Variants in TCF4 observed in about 807,000 individuals in gnomAD.
TCF4 encodes SL3-3 enhancer factor 2.
In TCF4, 3 loss-of-function variants were observed where a neutral mutation model predicts 82.1. That is an observed-to-expected ratio of 0.04 (90% CI 0.02 to 0.09). The LOEUF is 0.09. TCF4 is among the 10% of genes least tolerant of loss of function. TCF4 has a pLI of 1.00. For missense variants in TCF4, 518 were observed against 852.7 expected, an observed-to-expected ratio of 0.61 and a Z score of 4.89; for synonymous variants, 276 against 309.6, an observed-to-expected ratio of 0.89 and a Z score of 1.14.
At chr18:55,385,580 T>C (rs1440243497) in intron 6 of TCF4, among the ~76,000 whole-genome samples, 4 of 152,212 alleles carry the variant, frequency 2.6e-5, no homozygotes, top group South Asian at 2.1e-4. Flanking sequence ...TTTGTATTTT[T>C]AGTAGAGATG....
chr18:55,232,193 A>G, intron 17 of TCF4: 2 of 299,496 alleles, frequency 6.7e-6, no homozygotes, highest in South Asian at 8.2e-5. Flanking sequence ...GAAATATTAT[A>G]GACACAACAT....
chr18:55,619,193 C>A (rs2097715293), intron 2 of TCF4, among the ~76,000 whole-genome samples: 1 of 152,034 alleles, frequency 6.6e-6, no homozygotes, highest in South Asian at 2.1e-4. Flanking sequence ...TTTTAAAGTA[C>A]AAATGCTCTT....
chr18:55,589,309 C>G, upstream of TCF4: 1 of 1,051,610 alleles, frequency 9.5e-7, no homozygotes, highest in Non-Finnish European at 1.1e-6. Context: ...TAAATGGCCA[C>G]AAATATTCTC....
chr18:55,349,276 T>G (rs911209209), intron 8 of TCF4, among the ~76,000 whole-genome samples: 5 of 152,144 alleles, frequency 3.3e-5, no homozygotes, highest in African/African-American at 1.2e-4. Flanking sequence ...GATATATTCA[T>G]TTAATAATTG....
intron 3 of TCF4, among the ~76,000 whole-genome samples, chr18:55,498,588 C>T (rs1016557751): frequency 1.2e-4 from 19 of 152,180 alleles, no homozygotes; most frequent in African/African-American, 4.1e-4. Context: ...AAGATGACTT[C>T]GTGAATCCCC....
intron 6 of TCF4, among the ~76,000 whole-genome samples, chr18:55,394,078 C>T (rs1211042449): frequency 1.3e-5 from 2 of 152,330 alleles, no homozygotes; most frequent in Middle Eastern, 3.4e-3. Context: ...TTGTTCCACA[C>T]ACACATGTTC....
At chr18:55,609,529 C>G (rs1489454037) in intron 2 of TCF4, among the ~76,000 whole-genome samples, 1 of 152,144 alleles carries the variant, frequency 6.6e-6, no homozygotes, top group Admixed American at 6.5e-5. Flanking sequence ...AACGGGTGTG[C>G]TTATGGCTTG....
intron 5 of TCF4, among the ~76,000 whole-genome samples, chr18:55,446,266 G>C (rs1329240107): frequency 6.6e-6 from 1 of 152,162 alleles, no homozygotes; most frequent in African/African-American, 2.4e-5. Context: ...TGGGAAGAAA[G>C]AAACATTGAT....
intron 8 of TCF4, among the ~76,000 whole-genome samples, chr18:55,290,892 T>C (rs1473527809): frequency 6.6e-6 from 1 of 152,160 alleles, no homozygotes; most frequent in Non-Finnish European, 1.5e-5. Context: ...ACAAAATACA[T>C]AGGTACTTCT....
chr18:55,494,070 T>C (rs1031510882), intron 3 of TCF4, among the ~76,000 whole-genome samples: 2 of 151,998 alleles, frequency 1.3e-5, no homozygotes, highest in African/African-American at 4.8e-5. Context: ...TTAAATATTA[T>C]ATTCTTAAAT....
In TCF4 at chr18:55,506,799, T is replaced by C. The variant is rs142679842; in HGVS notation, c.146-42662A>G. 3.5e-3 allele frequency among the ~76,000 whole-genome samples: 533 copies of C among 151,950 alleles called. 1 individual carries two copies. The highest frequency in any genetic ancestry group is 8.3e-3 in the Admixed American group (126 of 15,256). On this transcript the variant is annotated intron_variant, in intron 3 of 19. Transcript: ENST00000354452. ...AGGCACAGTGAGAGACTGACAACAATAACTAAGAGTAACATAGAACAATTA... is the reference window on the plus strand; with the variant it reads ...AGGCACAGTGAGAGACTGACAACAACAACTAAGAGTAACATAGAACAATTA...
intron 5 of TCF4, among the ~76,000 whole-genome samples, chr18:55,404,840 C>G (rs2094005630): frequency 6.6e-6 from 1 of 152,144 alleles, no homozygotes; most frequent in Non-Finnish European, 1.5e-5. Context: ...TCAAAGAAAG[C>G]CAAACCTAAG....
At position 55,322,425 on chromosome 18, in the gene TCF4, GAAAAAAAAAA is replaced by G. The variant is rs967879627; in HGVS notation, c.549+27924_549+27933del. ...GAAAGGGGAGGGAAAGGGGAGGGAAGAAAAAAAAAAAAAAAAAAAAAAAAACACCACGTCT... is the reference window on the plus strand; with the variant it reads ...GAAAGGGGAGGGAAAGGGGAGGGAAGAAAAAAAAAAAAAAACACCACGTCT... On this transcript the variant is annotated intron_variant, in intron 8 of 19. Coordinates refer to ENST00000354452, the MANE Select transcript of TCF4 (RefSeq NM_001083962.2). The G allele has an allele frequency of 3.3e-5, 26 of 776,968 alleles. No homozygotes were observed. In the African/African-American group the frequency reaches 4.4e-4, roughly 13 times the overall value. The allele number at this position is 776,968 out of a possible 1,614,324, so 48.1% of individuals were successfully genotyped here.
intron 15 of TCF4, among the ~76,000 whole-genome samples, chr18:55,247,345 A>G (rs992520622): frequency 6.6e-6 from 1 of 152,234 alleles, no homozygotes; most frequent in Non-Finnish European, 1.5e-5. Context: ...AAACCATTAA[A>G]CAGGAATCAG....
At chr18:55,473,872 T>C (rs538952892) in intron 3 of TCF4, among the ~76,000 whole-genome samples, 2 of 152,310 alleles carry the variant, frequency 1.3e-5, no homozygotes, top group Non-Finnish European at 2.9e-5. Context: ...TAAAGCAATC[T>C]TCTGGGTACT....
At chr18:55,631,125 C>A (rs547050513) in intron 2 of TCF4, among the ~76,000 whole-genome samples, 1 of 151,140 alleles carries the variant, frequency 6.6e-6, no homozygotes, top group Non-Finnish European at 1.5e-5. Flanking sequence ...TCTCGACTCA[C>A]TGCAACCTCT....
chr18:55,624,702 A>C (rs921781013), intron 2 of TCF4, among the ~76,000 whole-genome samples: 1 of 152,278 alleles, frequency 6.6e-6, no homozygotes, highest in Non-Finnish European at 1.5e-5. Flanking sequence ...ACATTCTGAA[A>C]ACAAACCAAC....
chr18:55,486,116 T>C (rs1411043179), intron 3 of TCF4, among the ~76,000 whole-genome samples: 1 of 152,164 alleles, frequency 6.6e-6, no homozygotes, highest in African/African-American at 2.4e-5. Flanking sequence ...TTCAAATAAA[T>C]TATGAATCCT....
intron 6 of TCF4, among the ~76,000 whole-genome samples, chr18:55,393,844 A>C (rs1204095122): frequency 6.6e-6 from 1 of 152,260 alleles, no homozygotes; most frequent in African/African-American, 2.4e-5. Context: ...GGGTCTCAAG[A>C]GGTCTGCAAT....
Sources: allele counts gnomAD v4.1 joint callset (sites outside exome capture counted in the v4.1 genomes callset), GRCh38; gene constraint gnomAD v4.1.1; transcripts MANE v1.5; gene names NCBI Gene and HGNC (gene_info 2026-07-23, HGNC 2026-07-21).